TPM3: variants seen among roughly 807,000 people sequenced by gnomAD.
The protein encoded by TPM3 is tropomyosin 3, also known as tropomyosin alpha-3 chain.
TPM3 carries 16 observed loss-of-function variants against 43.1 expected under a neutral mutation model. The observed-to-expected ratio is 0.37, with a 90% CI of 0.25 to 0.56. TPM3 has a LOEUF of 0.56. Ranked by LOEUF, TPM3 falls within the 20% of genes least tolerant of loss-of-function variation. The pLI is 0.77. For missense variants in TPM3, 176 were observed against 337.2 expected, an observed-to-expected ratio of 0.52 and a Z score of 3.74; for synonymous variants, 101 against 116.9, an observed-to-expected ratio of 0.86 and a Z score of 0.88.
intron 2 of TPM3, chr1:154,187,114 T>A (rs1482857991): frequency 2.5e-5 from 4 of 163,120 alleles, no homozygotes; most frequent in African/African-American, 7.3e-5. Context: ...TTTAACCTTG[T>A]TGGTCCTTAT....
chr1:154,159,082 A>C (rs375218214), downstream of TPM3: 7 of 779,436 alleles, frequency 9.0e-6, no homozygotes, highest in African/African-American at 1.7e-5. Flanking sequence ...GGAACACAAG[A>C]GAAGGAGAGG....
intron 3 of TPM3, among the ~76,000 whole-genome samples, chr1:154,173,618 C>T (rs1032894412): frequency 4.0e-5 from 6 of 149,684 alleles, no homozygotes; most frequent in African/African-American, 1.2e-4. Context: ...GAGCCGAGAT[C>T]GAGCCATTGC....
intron 2 of TPM3, among the ~76,000 whole-genome samples, chr1:154,180,826 A>G (rs1449903490): frequency 6.6e-6 from 1 of 151,972 alleles, no homozygotes; most frequent in African/African-American, 2.4e-5. Context: ...TCAGGAGGCT[A>G]AGGCAGGAGA....
chr1:154,160,601 G>A (rs1449514401), downstream of TPM3, among the ~76,000 whole-genome samples: 1 of 152,144 alleles, frequency 6.6e-6, no homozygotes, highest in African/African-American at 2.4e-5. Flanking sequence ...CTCTCCAAGG[G>A]GAGATTTTGA....
Position 154,163,424 on chromosome 1 carries a change from C to T in TPM3, c.*4513G>A, listed in dbSNP as rs886045296. On this transcript the variant is annotated 3_prime_UTR_variant, in exon 10 of 10. Coordinates refer to ENST00000651641, the MANE Select transcript of TPM3 (RefSeq NM_152263.4). ...CACTCTTTTGCCCCTGAAAATGACTCCTCCTCTTCACTTCTTAACACTCAA... is the reference window on the plus strand; with the variant it reads ...CACTCTTTTGCCCCTGAAAATGACTTCTCCTCTTCACTTCTTAACACTCAA... Among the ~76,000 whole-genome samples, 3 of 152,068 alleles carry T rather than the reference C, an allele frequency of 2.0e-5. No homozygotes were observed. Among genetic ancestry groups the T allele is most frequent in the Non-Finnish European group, 4.4e-5 (3 of 68,018 alleles).
downstream of TPM3, among the ~76,000 whole-genome samples, chr1:154,160,199 T>G (rs1660206058): frequency 6.6e-6 from 1 of 152,154 alleles, no homozygotes; most frequent in Non-Finnish European, 1.5e-5. Context: ...AACCAAACTC[T>G]TCCTGGTATA....
At chr1:154,170,279 T>G in intron 8 of TPM3, 121 bp downstream of exon 8, 31 of 1,075,702 alleles carry the variant, frequency 2.9e-5, no homozygotes, top group Non-Finnish European at 4.3e-5. Flanking sequence ...ACAGTGCACA[T>G]GATATTAATA....
At chr1:154,177,023 T>C (rs1477229311) in intron 2 of TPM3, among the ~76,000 whole-genome samples, 1 of 151,016 alleles carries the variant, frequency 6.6e-6, no homozygotes, top group Non-Finnish European at 1.5e-5. Flanking sequence ...TACCTATTAA[T>C]TGCTGCTTAA....
chr1:154,158,902 T>G (rs1660074654), downstream of TPM3: 1 of 774,626 alleles, frequency 1.3e-6, no homozygotes, highest in Non-Finnish European at 2.4e-6. Flanking sequence ...ATCAGCTTTT[T>G]GTTGGGGTCC....
At position 154,163,254 on chromosome 1, in the gene TPM3, A is replaced by AT. The variant is rs1380281402; in HGVS notation, c.*4682dup. ...ATGAACTACAATGAAATACAATTAAATTTTAGCCCCTCAGCCACACTAGCC... is the reference window on the plus strand; with the variant it reads ...ATGAACTACAATGAAATACAATTAAATTTTTAGCCCCTCAGCCACACTAGCC... On this transcript the variant is annotated 3_prime_UTR_variant, in exon 10 of 10. Transcript: ENST00000651641. 3.3e-5 allele frequency among the ~76,000 whole-genome samples: 5 copies of AT among 152,198 alleles called. No individual in the cohort carries two copies. Among genetic ancestry groups the AT allele is most frequent in the African/African-American group, 1.2e-4 (5 of 41,452 alleles).
At chr1:154,172,458 A>G (rs1034512653) in intron 5 of TPM3, 4 of 511,136 alleles carry the variant, frequency 7.8e-6, no homozygotes, top group African/African-American at 3.9e-5. Flanking sequence ...GGGTCTCCCT[A>G]TGACGCCCAG....
intron 2 of TPM3, among the ~76,000 whole-genome samples, chr1:154,185,441 T>C (rs1047434835): frequency 3.4e-5 from 5 of 146,242 alleles, no homozygotes; most frequent in African/African-American, 1.3e-4. Context: ...CCCAGCACTT[T>C]GGGAGGCTGA....
chr1:154,186,051 A>G (rs1663400370), intron 2 of TPM3, among the ~76,000 whole-genome samples: 1 of 151,622 alleles, frequency 6.6e-6, no homozygotes, highest in South Asian at 2.1e-4. Flanking sequence ...ATACCGAGCA[A>G]TGAGACTATT....
chr1:154,173,483 G>A (rs942893891), intron 3 of TPM3, among the ~76,000 whole-genome samples: 8 of 152,112 alleles, frequency 5.3e-5, no homozygotes, highest in African/African-American at 1.9e-4. Flanking sequence ...TGACCAACAT[G>A]GAGAAACCCC....
intron 2 of TPM3, among the ~76,000 whole-genome samples, chr1:154,182,652 G>C (rs775101500): frequency 1.3e-5 from 2 of 152,156 alleles, no homozygotes; most frequent in African/African-American, 4.8e-5. Context: ...ATGGGGAAGT[G>C]GGGGAGGGAG....
chr1:154,155,498 T>C (rs937727568), downstream of TPM3: 3 of 236,932 alleles, frequency 1.3e-5, no homozygotes, highest in East Asian at 6.1e-5. Context: ...GGGAACCGTG[T>C]ATTTTTACTA....
At chr1:154,191,645 C>T in intron 1 of TPM3, 2 of 1,422,942 alleles carry the variant, frequency 1.4e-6, no homozygotes, top group South Asian at 1.5e-5. Flanking sequence ...CTCTAGAAGT[C>T]AAGGGTTCTT....
rs200700368 is a variant in TPM3, at chr1:154,167,851, C to G, written c.*86G>C. 1.2e-5 allele frequency: 20 copies of G among 1,613,086 alleles called. No individual in the cohort carries two copies. The highest frequency in any genetic ancestry group is 2.7e-5 in the African/African-American group (2 of 74,870). ...GCCTTGGGGACCAGCCAGGCTGACC[C>G]AAATGGAATCCAGAGCGAGAGTGGG... On this transcript the variant is annotated 3_prime_UTR_variant, in exon 10 of 10. Transcript: ENST00000651641.
At chr1:154,189,122 ACT>A (rs1663553001) in intron 2 of TPM3, among the ~76,000 whole-genome samples, 1 of 111,904 alleles carries the variant, frequency 8.9e-6, no homozygotes, top group African/African-American at 3.4e-5. Flanking sequence ...ATAGAACAAG[ACT>A]CTGTCTCAAA....
Sources: allele counts gnomAD v4.1 joint callset (sites outside exome capture counted in the v4.1 genomes callset), GRCh38; gene constraint gnomAD v4.1.1; transcripts MANE v1.5; gene names NCBI Gene and HGNC (gene_info 2026-07-23, HGNC 2026-07-21).